Variants in DPF3 observed in about 807,000 individuals in gnomAD.
DPF3 encodes the protein zinc finger protein DPF3.
DPF3 carries 18 observed loss-of-function variants against 56.8 expected under a neutral mutation model. The ratio of observed to expected loss-of-function variants is 0.32; its 90% confidence interval spans 0.22 to 0.47. The LOEUF (loss-of-function observed/expected upper bound fraction) is 0.47. Ranked by LOEUF, DPF3 falls within the 20% of genes least tolerant of loss-of-function variation. The probability of loss-of-function intolerance (pLI) is 1.00; values close to 1 mark genes in which losing one functional copy is unlikely to be tolerated. For missense variants in DPF3, 403 were observed against 488.8 expected, an observed-to-expected ratio of 0.82 and a Z score of 1.65; for synonymous variants, 188 against 180.2, an observed-to-expected ratio of 1.04 and a Z score of -0.35.
At chr14:72,846,159 G>A (rs920662414) in intron 1 of DPF3, among the ~76,000 whole-genome samples, 34 of 146,736 alleles carry the variant, frequency 2.3e-4, no homozygotes, top group East Asian at 7.8e-4. Flanking sequence ...CACCCAGGCC[G>A]GAATACAATG....
chr14:72,659,822 C>T (rs550790447), intron 8 of DPF3, among the ~76,000 whole-genome samples: 6 of 152,286 alleles, frequency 3.9e-5, no homozygotes, highest in South Asian at 4.2e-4. Flanking sequence ...TCAAAAGATA[C>T]ATGGATAAGC....
intron 8 of DPF3, among the ~76,000 whole-genome samples, chr14:72,647,441 C>A (rs1885760031): frequency 6.6e-6 from 1 of 152,186 alleles, no homozygotes; most frequent in Admixed American, 6.5e-5. Context: ...GGGTCTCCTG[C>A]ATAAACAGGA....
At chr14:72,815,114 A>G (rs1883228608) in intron 1 of DPF3, among the ~76,000 whole-genome samples, 1 of 152,210 alleles carries the variant, frequency 6.6e-6, no homozygotes, top group Admixed American at 6.5e-5. Context: ...CAGAATATAT[A>G]AAGAACTCCT....
rs376091926 is a variant in DPF3, at chr14:72,866,901, A to T, written c.32+27156T>A. ...CGGCCTCCCAAAGTGCTGGGATTATAGGAGTGAGCCATCATGCCTAGCCCA... is the reference window on the plus strand; with the variant it reads ...CGGCCTCCCAAAGTGCTGGGATTATTGGAGTGAGCCATCATGCCTAGCCCA... On this transcript the variant is annotated intron_variant, in intron 1 of 10. Transcript: ENST00000556509. Among the ~76,000 whole-genome samples the T allele has an allele frequency of 3.3e-5, 5 of 150,124 alleles. No individual in the cohort carries two copies. The East Asian group carries it at 9.8e-4, about 29-fold the overall frequency.
intron 8 of DPF3, among the ~76,000 whole-genome samples, chr14:72,672,029 C>CCACACACACACACA (rs368797206): frequency 2.1e-5 from 3 of 145,634 alleles, no homozygotes; most frequent in African/African-American, 7.8e-5. Flanking sequence ...CGTGTGCACA[C>CCACACACACACACA]CACACACACA....
At chr14:72,743,639 G>C (rs531711459) in intron 3 of DPF3, among the ~76,000 whole-genome samples, 23 of 151,070 alleles carry the variant, frequency 1.5e-4, no homozygotes, top group Non-Finnish European at 1.9e-4. Context: ...GAAAGAAAGT[G>C]AAGTTAAAGG....
At chr14:72,766,821 C>T (rs978523935) in intron 2 of DPF3, among the ~76,000 whole-genome samples, 1 of 152,094 alleles carries the variant, frequency 6.6e-6, no homozygotes, top group African/African-American at 2.4e-5. Context: ...CCAGAAACAC[C>T]AACAAATGAA....
chr14:72,716,017 C>A (rs1465908806), intron 5 of DPF3, among the ~76,000 whole-genome samples: 7 of 151,848 alleles, frequency 4.6e-5, no homozygotes. Flanking sequence ...CCCCTCCACA[C>A]CCCTCTGTGA....
intron 3 of DPF3, among the ~76,000 whole-genome samples, chr14:72,740,035 T>C (rs1890062307): frequency 6.6e-6 from 1 of 151,844 alleles, no homozygotes; most frequent in Non-Finnish European, 1.5e-5. Context: ...CACTTTTAAA[T>C]GTGGCCAGGA....
chr14:72,874,580 G>C (rs1321051790), intron 1 of DPF3, among the ~76,000 whole-genome samples: 2 of 152,152 alleles, frequency 1.3e-5, no homozygotes, highest in Admixed American at 6.5e-5. Flanking sequence ...GTCTCTAGGG[G>C]AGGGGGCAAA....
intron 9 of DPF3, among the ~76,000 whole-genome samples, chr14:72,620,246 C>T (rs1884347212): frequency 6.6e-6 from 1 of 152,220 alleles, no homozygotes; most frequent in Non-Finnish European, 1.5e-5. Flanking sequence ...AAGACGCCTT[C>T]TGTGACTAAC....
intron 1 of DPF3, among the ~76,000 whole-genome samples, chr14:72,773,160 T>A (rs796349263): frequency 7.1e-6 from 1 of 140,624 alleles, no homozygotes; most frequent in South Asian, 2.2e-4. Flanking sequence ...TGAGATGGAG[T>A]CTCACTCCGT....
Position 72,863,058 on chromosome 14 carries a change from TTATATATATATATA to T in DPF3, c.32+30985_32+30998del, listed in dbSNP as rs58405648. 5.4e-3 allele frequency among the ~76,000 whole-genome samples: 762 copies of T among 139,868 alleles called. 9 individuals carry two copies. The highest frequency in any genetic ancestry group is 8.0e-3 in the South Asian group (33 of 4,126). 91.8% of individuals were successfully genotyped at this position (139,868 alleles called of 152,430 possible). A position where few individuals can be genotyped will look rare whatever the true frequency, so the allele number is the denominator to read the frequency against. ...TCTCCTTCCAGATATATTATTCCAT[TTATATATATATATA>T]TATATATATATATATATATATATAT... On this transcript the variant is annotated intron_variant, in intron 1 of 10. Transcript: ENST00000556509.
chr14:72,612,545 C>T lies in DPF3; in HGVS notation c.*6752G>A. Reference sequence around the variant, plus strand: ...GTTGCTTCCCACTTCCCACCTCCACCCCACTCCTTAGCATCTATCACGGCA... The same window carrying T: ...GTTGCTTCCCACTTCCCACCTCCACTCCACTCCTTAGCATCTATCACGGCA... On this transcript the variant is annotated 3_prime_UTR_variant, in exon 11 of 11. Coordinates refer to ENST00000556509, the MANE Select transcript of DPF3 (RefSeq NM_001280542.3). 3.9e-6 allele frequency: 2 copies of T among 517,122 alleles called. No homozygotes were observed. Among genetic ancestry groups the T allele is most frequent in the Non-Finnish European group, 7.7e-6 (2 of 259,702 alleles). The allele number at this position is 517,122 out of a possible 1,614,324, so 32.0% of individuals were successfully genotyped here.
intron 8 of DPF3, among the ~76,000 whole-genome samples, chr14:72,653,659 G>T (rs775015346): frequency 5.3e-5 from 8 of 152,166 alleles, no homozygotes; most frequent in Non-Finnish European, 1.0e-4. Flanking sequence ...TTGTCTAGGA[G>T]AACAATCATA....
chr14:72,756,924 A>AG (rs200822939), intron 2 of DPF3, among the ~76,000 whole-genome samples: 1 of 136,676 alleles, frequency 7.3e-6, no homozygotes, highest in African/African-American at 3.3e-5. Context: ...GAAAGAAAGA[A>AG]AGAAAGAAGA....
intron 7 of DPF3, among the ~76,000 whole-genome samples, chr14:72,684,806 A>G (rs752999397): frequency 6.6e-6 from 1 of 152,158 alleles, no homozygotes; most frequent in Non-Finnish European, 1.5e-5. Context: ...CAGAGTCCTA[A>G]CCCCCAAAGG....
chr14:72,808,302 A>G (rs943466690), intron 1 of DPF3, among the ~76,000 whole-genome samples: 1 of 152,214 alleles, frequency 6.6e-6, no homozygotes, highest in African/African-American at 2.4e-5. Context: ...CCACTACAGC[A>G]TCCAAACATC....
At chr14:72,634,207 G>A (rs929502833) in intron 8 of DPF3, among the ~76,000 whole-genome samples, 2 of 152,184 alleles carry the variant, frequency 1.3e-5, no homozygotes, top group Non-Finnish European at 2.9e-5. Context: ...CAGCCAGGGA[G>A]GGTGAGACAC....
Sources: allele counts gnomAD v4.1 joint callset (sites outside exome capture counted in the v4.1 genomes callset), GRCh38; gene constraint gnomAD v4.1.1; transcripts MANE v1.5; gene names NCBI Gene and HGNC (gene_info 2026-07-23, HGNC 2026-07-21).